LYPLA1: variants seen among roughly 807,000 people sequenced by gnomAD.
LYPLA1 encodes lysophospholipase 1, also known as acyl-protein thioesterase 1.
Under a neutral mutation model 34.0 loss-of-function variants are expected in LYPLA1, and 17 were observed. The observed-to-expected ratio is 0.50, with a 90% CI of 0.34 to 0.75. LYPLA1 has a LOEUF of 0.75. LYPLA1 is among the 30% of genes least tolerant of loss of function. The pLI is 0.01. For synonymous variants in LYPLA1, 98 were observed against 100.8 expected, an observed-to-expected ratio of 0.97 and a Z score of 0.17; for missense variants, 203 against 288.8, an observed-to-expected ratio of 0.70 and a Z score of 2.15.
chr8:54,095,927 AAAACT>A (rs1459265789), intron 2 of LYPLA1, among the ~76,000 whole-genome samples: 4 of 152,232 alleles, frequency 2.6e-5, no homozygotes, highest in African/African-American at 9.6e-5. Context: ...CAGAATAAAG[AAAACT>A]AAAGAGAAAT....
intron 2 of LYPLA1, among the ~76,000 whole-genome samples, chr8:54,097,233 T>G (rs1237644555): frequency 6.6e-6 from 1 of 152,202 alleles, no homozygotes; most frequent in Non-Finnish European, 1.5e-5. Context: ...ATAAAAGGAC[T>G]CAGCATCATT....
chr8:54,085,110 C>A (rs1464978944), intron 2 of LYPLA1, among the ~76,000 whole-genome samples: 1 of 152,248 alleles, frequency 6.6e-6, no homozygotes, highest in African/African-American at 2.4e-5. Context: ...GCCTGATTCT[C>A]CTGCCTCAGC....
At chr8:54,086,347 T>C in intron 2 of LYPLA1, among the ~76,000 whole-genome samples, 1 of 149,716 alleles carries the variant, frequency 6.7e-6, no homozygotes, top group Non-Finnish European at 1.5e-5. Flanking sequence ...CATGTTTATC[T>C]GCTGACCTTC....
intron 6 of LYPLA1, chr8:54,053,026 T>C (rs1430538641): frequency 2.7e-6 from 1 of 364,294 alleles, no homozygotes; most frequent in African/African-American, 2.1e-5. Context: ...TTACGAATAT[T>C]CTGAATTTAT....
chr8:54,048,684 T>C lies in LYPLA1; in HGVS notation c.640-566A>G, dbSNP rs913041116. The stretch of plus-strand genomic sequence containing the variant: ...TTGCATTTGGCTCAGTTTTCTCACC[T>C]CCCTCAAACTCACTTCCTGCTATCA... On this transcript the variant is annotated intron_variant, in intron 8 of 8. Transcript: ENST00000316963. Among the ~76,000 whole-genome samples the C allele has an allele frequency of 6.6e-5, 10 of 152,116 alleles. No individual in the cohort carries two copies. The South Asian group carries it at 2.1e-3, about 32-fold the overall frequency.
intron 2 of LYPLA1, among the ~76,000 whole-genome samples, chr8:54,099,903 C>G (rs962671276): frequency 6.6e-6 from 1 of 151,922 alleles, no homozygotes; most frequent in Non-Finnish European, 1.5e-5. Context: ...AAGCTGGTGT[C>G]GAACTCTTGA....
Position 54,046,885 on chromosome 8 carries a change from C to G in LYPLA1, c.*1180G>C, listed in dbSNP as rs1403055485. 1 of 151,992 alleles carries G rather than the reference C, an allele frequency of 6.6e-6. No homozygotes were observed. Among genetic ancestry groups the G allele is most frequent in the Non-Finnish European group, 1.5e-5 (1 of 67,956 alleles). The allele number at this position is 151,992 out of a possible 1,614,324, so 9.4% of individuals were successfully genotyped here. ...TTTAAAATGATTGCTATTTTTATGTCTGCATCAAAAACTAATACAAAAAAT... is the reference window on the plus strand; with the variant it reads ...TTTAAAATGATTGCTATTTTTATGTGTGCATCAAAAACTAATACAAAAAAT... On this transcript the variant is annotated 3_prime_UTR_variant, in exon 9 of 9. Coordinates refer to ENST00000316963, the MANE Select transcript of LYPLA1 (RefSeq NM_006330.4).
rs138171709 is a variant in LYPLA1 at position 54,082,465 on chromosome 8, T to C, written c.102-16652A>G. 1.2e-3 allele frequency among the ~76,000 whole-genome samples: 180 copies of C among 152,274 alleles called. 1 individual carries two copies. Among genetic ancestry groups the C allele is most frequent in the African/African-American group, 4.0e-3 (166 of 41,558 alleles). ...AGCTCCTATTTGTTATGAGACTATA[T>C]TGTATCTACAGTTTTAGAATGTACT... On this transcript the variant is annotated intron_variant, in intron 2 of 8. Coordinates refer to ENST00000316963, the MANE Select transcript of LYPLA1 (RefSeq NM_006330.4).
chr8:54,054,600 G>A lies in LYPLA1; in HGVS notation c.360+460C>T, dbSNP rs140916214. 7.3e-3 allele frequency: 1,121 copies of A among 152,926 alleles called. 8 individuals are homozygous for A. Among genetic ancestry groups the A allele is most frequent in the African/African-American group, 0.022 (935 of 41,570 alleles). 9.5% of individuals were successfully genotyped at this position (152,926 alleles called of 1,614,324 possible). A position where few individuals can be genotyped will look rare whatever the true frequency, so the allele number is the denominator to read the frequency against. The stretch of plus-strand genomic sequence containing the variant: ...ATGCCGCAGTAGCCATGAAAGAAAG[G>A]TCCGTATGAGGAAGCTACGTCTGTG... On this transcript the variant is annotated intron_variant, in intron 6 of 8. Coordinates refer to ENST00000316963, the MANE Select transcript of LYPLA1 (RefSeq NM_006330.4).
intron 1 of LYPLA1, 144 bp downstream of exon 1, chr8:54,101,611 G>C: frequency 8.7e-7 from 1 of 1,150,030 alleles, no homozygotes; most frequent in African/African-American, 1.6e-5. Context: ...ACCCGGCCGC[G>C]CGGACCATTC....
intron 2 of LYPLA1, among the ~76,000 whole-genome samples, chr8:54,085,987 T>C (rs966186778): frequency 6.6e-6 from 1 of 152,168 alleles, no homozygotes; most frequent in South Asian, 2.1e-4. Context: ...TTTTGTCGAA[T>C]AGAAAACGGG....
intron 2 of LYPLA1, among the ~76,000 whole-genome samples, chr8:54,069,581 C>T (rs1189461092): frequency 6.6e-6 from 1 of 151,868 alleles, no homozygotes; most frequent in African/African-American, 2.4e-5. Context: ...GGGCGTGGTG[C>T]GCACCTGTAG....
intron 8 of LYPLA1, among the ~76,000 whole-genome samples, 161 bp downstream of exon 8, chr8:54,050,851 T>C (rs573772315): frequency 6.6e-6 from 1 of 152,350 alleles, no homozygotes; most frequent in African/African-American, 2.4e-5. Context: ...TAAATATTTG[T>C]TGAATTAAGT....
At chr8:54,072,934 C>CAAAAAAAAA (rs59257354) in intron 2 of LYPLA1, among the ~76,000 whole-genome samples, 1 of 91,718 alleles carries the variant, frequency 1.1e-5, no homozygotes. Flanking sequence ...AAGACTGAAT[C>CAAAAAAAAA]AAAAAAAAAA....
chr8:54,091,591 AGG>A (rs1563663869), intron 2 of LYPLA1, among the ~76,000 whole-genome samples: 2 of 113,820 alleles, frequency 1.8e-5, no homozygotes, highest in South Asian at 2.9e-4. Context: ...AAAGGAAGGA[AGG>A]AAGGAAGGAA....
chr8:54,062,367 T>C, intron 4 of LYPLA1, 43 bp from the exon 5 acceptor site: 1 of 1,282,230 alleles, frequency 7.8e-7, no homozygotes, highest in Non-Finnish European at 1.1e-6. Flanking sequence ...GAAAAATCTA[T>C]TATTGTAGTA....
intron 5 of LYPLA1, among the ~76,000 whole-genome samples, chr8:54,060,459 T>C (rs1420016164): frequency 6.6e-6 from 1 of 151,878 alleles, no homozygotes; most frequent in Admixed American, 6.6e-5. Flanking sequence ...CACGTCCCAG[T>C]AAGTTAGTAT....
At chr8:54,060,689 CTTT>C (rs761596145) in intron 5 of LYPLA1, among the ~76,000 whole-genome samples, 3 of 123,476 alleles carry the variant, frequency 2.4e-5, no homozygotes, top group Admixed American at 8.4e-5. Flanking sequence ...TTTTTTCTTC[CTTT>C]TTTTTTTTTT....
intron 2 of LYPLA1, among the ~76,000 whole-genome samples, chr8:54,087,768 G>A (rs1348403138): frequency 6.6e-6 from 1 of 152,202 alleles, no homozygotes; most frequent in Non-Finnish European, 1.5e-5. Flanking sequence ...TGAAATGCTT[G>A]TTCTCCGGTG....
Sources: allele counts gnomAD v4.1 joint callset (sites outside exome capture counted in the v4.1 genomes callset), GRCh38; gene constraint gnomAD v4.1.1; transcripts MANE v1.5; gene names NCBI Gene and HGNC (gene_info 2026-07-23, HGNC 2026-07-21).